METTL15: variants seen among roughly 807,000 people sequenced by gnomAD.
The protein encoded by METTL15 is methyltransferase 15, mitochondrial 12S rRNA N4-cytidine.
In METTL15, 34 loss-of-function variants were observed where a neutral mutation model predicts 38.3. The ratio of observed to expected loss-of-function variants is 0.89; its 90% CI spans 0.68 to 1.18. METTL15 has a LOEUF of 1.18. METTL15 is among the 50% of genes most tolerant of loss of function. The probability of loss-of-function intolerance (pLI) is 0.00; values close to 1 mark genes in which losing one functional copy is unlikely to be tolerated. For synonymous variants in METTL15, 162 were observed against 170.9 expected (o/e 0.95, Z 0.41); for missense variants, 438 against 498.4 (o/e 0.88, Z 1.15).
intron 5 of METTL15, among the ~76,000 whole-genome samples, chr11:28,384,639 A>G (rs1262756950): frequency 6.6e-6 from 1 of 152,014 alleles, no homozygotes; most frequent in Non-Finnish European, 1.5e-5. Context: ...AATGATTTAC[A>G]TTCCTTTGGT....
intron 6 of METTL15, among the ~76,000 whole-genome samples, chr11:28,305,781 T>A (rs894327184): frequency 3.9e-5 from 6 of 151,900 alleles, no homozygotes; most frequent in Admixed American, 2.0e-4. Flanking sequence ...TAGTGAGAGG[T>A]TAGACTTAAT....
chr11:28,218,509 A>G (rs554673411), intron 4 of METTL15, among the ~76,000 whole-genome samples: 1 of 152,050 alleles, frequency 6.6e-6, no homozygotes, highest in Non-Finnish European at 1.5e-5. Flanking sequence ...TGCAAACAGG[A>G]ACAATTTGAC....
chr11:28,363,237 G>A (rs374727626), intron 5 of METTL15, among the ~76,000 whole-genome samples: 115 of 152,046 alleles, frequency 7.6e-4, no homozygotes, highest in Non-Finnish European at 1.3e-3. Context: ...ACAGTGGTGC[G>A]ATCTTAGCTC....
intron 6 of METTL15, among the ~76,000 whole-genome samples, chr11:28,513,022 A>G (rs1416731921): frequency 6.6e-6 from 1 of 152,222 alleles, no homozygotes; most frequent in African/African-American, 2.4e-5. Flanking sequence ...AGGAGAAAGA[A>G]AATTTGCATG....
At chr11:28,387,517 A>G (rs1479964898) in intron 5 of METTL15, among the ~76,000 whole-genome samples, 1 of 152,052 alleles carries the variant, frequency 6.6e-6, no homozygotes, top group Non-Finnish European at 1.5e-5. Flanking sequence ...GCCTGAACAG[A>G]CCTATAACTA....
chr11:28,114,555 A>C (rs574983629), intron 3 of METTL15, among the ~76,000 whole-genome samples: 72 of 152,160 alleles, frequency 4.7e-4, no homozygotes, highest in Admixed American at 4.3e-3. Context: ...GGTTCAAGCG[A>C]TTCTCTTGCC....
At chr11:28,327,909 A>C in intron 6 of METTL15, 1 of 472,028 alleles carries the variant, frequency 2.1e-6, no homozygotes, top group Non-Finnish European at 3.6e-6. Context: ...TCTGCATTAA[A>C]ATGTCAATAA....
intron 3 of METTL15, among the ~76,000 whole-genome samples, chr11:28,201,712 G>A (rs1363723785): frequency 2.0e-5 from 3 of 149,468 alleles, no homozygotes; most frequent in Non-Finnish European, 4.5e-5. Context: ...TGTATTTCTG[G>A]GGGATCACTA....
chr11:28,136,875 C>G (rs558120953), intron 3 of METTL15, among the ~76,000 whole-genome samples: 1 of 151,346 alleles, frequency 6.6e-6, no homozygotes, highest in Non-Finnish European at 1.5e-5. Flanking sequence ...TCCAGATTAC[C>G]GTAAGTTCTT....
chr11:28,220,832 G>A (rs561926317), intron 4 of METTL15, among the ~76,000 whole-genome samples: 2 of 152,076 alleles, frequency 1.3e-5, no homozygotes, highest in Non-Finnish European at 2.9e-5. Flanking sequence ...GCTTAGTTTG[G>A]CTGGATATGA....
At chr11:28,242,241 C>T (rs757994398) in intron 4 of METTL15, among the ~76,000 whole-genome samples, 6 of 152,124 alleles carry the variant, frequency 3.9e-5, no homozygotes, top group Non-Finnish European at 8.8e-5. Flanking sequence ...TGTTAAAATT[C>T]TTCTGTTACT....
intron 3 of METTL15, chr11:28,134,499 T>C (rs891102856): frequency 2.5e-6 from 1 of 398,412 alleles, no homozygotes; most frequent in Non-Finnish European, 4.4e-6. Context: ...CTTCTGGTAC[T>C]GTCTGTCAAA....
At chr11:28,518,059 C>T (rs994063131) in intron 6 of METTL15, among the ~76,000 whole-genome samples, 1 of 152,116 alleles carries the variant, frequency 6.6e-6, no homozygotes, top group South Asian at 2.1e-4. Context: ...TAAGTGGTTC[C>T]CTATTGACTG....
At chr11:28,468,790 C>T (rs1851278798) in intron 6 of METTL15, among the ~76,000 whole-genome samples, 1 of 152,090 alleles carries the variant, frequency 6.6e-6, no homozygotes, top group South Asian at 2.1e-4. Context: ...CAGGGCTCTA[C>T]CTCACTTAAT....
Position 28,214,506 on chromosome 11 carries a change from C to G in METTL15, c.407+3308C>G, listed in dbSNP as rs545738741. ...GTTTATTTCATGAAGATGAGATGTT[C>G]CGTGTCAGGTAGTTAATCAATGATA... On this transcript the variant is annotated intron_variant, in intron 4 of 6. Transcript: ENST00000407364. Among the ~76,000 whole-genome samples, 438 of 152,200 alleles carry G rather than the reference C, an allele frequency of 2.9e-3. 1 individual carries two copies. The highest frequency in any genetic ancestry group is 0.01 in the African/African-American group (425 of 41,512).
intron 5 of METTL15, among the ~76,000 whole-genome samples, chr11:28,385,983 A>T (rs908817538): frequency 6.6e-6 from 1 of 152,138 alleles, no homozygotes; most frequent in Admixed American, 6.6e-5. Flanking sequence ...CAAACAAAGT[A>T]TGGGGGAAAT....
chr11:28,197,172 C>T lies in METTL15; in HGVS notation c.271-13890C>T, dbSNP rs548992509. The stretch of plus-strand genomic sequence containing the variant: ...ATTTTGCCGTAGTTCAGATATACAA[C>T]GGTAATTTTTATTGAATTTTAAGTT... On this transcript the variant is annotated intron_variant, in intron 3 of 6. Coordinates refer to ENST00000407364, the MANE Select transcript of METTL15 (RefSeq NM_001113528.2). 4.6e-5 allele frequency among the ~76,000 whole-genome samples: 7 copies of T among 151,744 alleles called. No homozygotes were observed. The South Asian group carries it at 8.3e-4, about 18-fold the overall frequency.
downstream of METTL15, among the ~76,000 whole-genome samples, chr11:28,528,237 A>G (rs1292084896): frequency 6.6e-6 from 1 of 152,172 alleles, no homozygotes; most frequent in African/African-American, 2.4e-5. Context: ...GTAATAATGT[A>G]CTTTATTTTT....
chr11:28,159,468 T>C (rs1850378422), intron 3 of METTL15, among the ~76,000 whole-genome samples: 1 of 150,204 alleles, frequency 6.7e-6, no homozygotes, highest in Middle Eastern at 3.5e-3. Flanking sequence ...AAACACAACC[T>C]GCTGAGGTGC....
Sources: gnomAD v4.1 joint callset for allele counts (sites outside exome capture counted in the v4.1 genomes callset) on GRCh38, gnomAD v4.1.1 for gene constraint, MANE v1.5 for transcripts, NCBI Gene and HGNC (gene_info 2026-07-23, HGNC 2026-07-21) for gene names.